Variants in ABLIM1 observed in about 807,000 individuals in gnomAD.
ABLIM1 encodes actin binding LIM protein 1.
ABLIM1 carries 40 observed loss-of-function variants against 107.0 expected under a neutral mutation model. The ratio of observed to expected loss-of-function variants is 0.37; its 90% CI spans 0.29 to 0.49. ABLIM1 has a LOEUF of 0.49. Among genes scored for constraint, ABLIM1 ranks in the 20% least tolerant of loss-of-function variants. The pLI is 0.97. For synonymous variants in ABLIM1, 357 were observed against 357.3 expected, an observed-to-expected ratio of 1.00 and a Z score of 0.01; for missense variants, 857 against 1,008.5, an observed-to-expected ratio of 0.85 and a Z score of 2.04.
At chr10:114,499,582 G>A (rs1000013098) in intron 6 of ABLIM1, among the ~76,000 whole-genome samples, 2 of 152,082 alleles carry the variant, frequency 1.3e-5, no homozygotes, top group Admixed American at 6.5e-5. Context: ...TTTAAAAATG[G>A]GTTCGATGGC....
At chr10:114,509,060 T>G (rs1044880449) in intron 6 of ABLIM1, among the ~76,000 whole-genome samples, 4 of 152,208 alleles carry the variant, frequency 2.6e-5, no homozygotes, top group African/African-American at 9.7e-5. Context: ...CTTTAATGAC[T>G]GGGAAATTTA....
chr10:114,791,685 C>A, the ABLIM1 span, among the ~76,000 whole-genome samples: 1 of 151,528 alleles, frequency 6.6e-6, no homozygotes, highest in Admixed American at 6.6e-5. Context: ...AACAAAACTT[C>A]AAATACAAGG....
intron 1 of ABLIM1, among the ~76,000 whole-genome samples, chr10:114,698,210 C>T (rs1026991540): frequency 6.6e-6 from 1 of 151,826 alleles, no homozygotes; most frequent in Admixed American, 6.6e-5. Context: ...TTGATATCCT[C>T]TAAGGCATTT....
chr10:114,517,112 C>T (rs1398654260), intron 6 of ABLIM1, among the ~76,000 whole-genome samples: 1 of 152,180 alleles, frequency 6.6e-6, no homozygotes, highest in African/African-American at 2.4e-5. Flanking sequence ...AGAGCAAGCA[C>T]TCCGATTTTT....
chr10:114,744,844 C>A (rs2142333757), intron 1 of ABLIM1, among the ~76,000 whole-genome samples: 1 of 152,258 alleles, frequency 6.6e-6, no homozygotes, highest in South Asian at 2.1e-4. Flanking sequence ...AAAGCTCCCA[C>A]CTTGACCCTG....
At chr10:114,471,631 C>A (rs192247055) in intron 10 of ABLIM1, among the ~76,000 whole-genome samples, 214 of 151,490 alleles carry the variant, frequency 1.4e-3, no homozygotes, top group African/African-American at 4.6e-3. Flanking sequence ...GGAATAAAAC[C>A]CAGATTAGAA....
At chr10:114,562,882 T>C (rs1421198916) in intron 4 of ABLIM1, among the ~76,000 whole-genome samples, 1 of 152,020 alleles carries the variant, frequency 6.6e-6, no homozygotes, top group Non-Finnish European at 1.5e-5. Context: ...AAAAAACCAG[T>C]CCTTGCCGTT....
chr10:114,591,988 T>G (rs1259775712), intron 2 of ABLIM1, among the ~76,000 whole-genome samples: 1 of 152,190 alleles, frequency 6.6e-6, no homozygotes, highest in African/African-American at 2.4e-5. Flanking sequence ...GATAAACATT[T>G]CAATCATTCA....
intron 6 of ABLIM1, among the ~76,000 whole-genome samples, chr10:114,544,543 T>C (rs1047879292): frequency 2.0e-5 from 3 of 152,152 alleles, no homozygotes; most frequent in African/African-American, 7.2e-5. Context: ...TTTTTGAAGT[T>C]TGGGGAAGCC....
intron 4 of ABLIM1, among the ~76,000 whole-genome samples, chr10:114,548,171 T>A (rs990182559): frequency 1.3e-5 from 2 of 152,240 alleles, no homozygotes; most frequent in African/African-American, 4.8e-5. Context: ...CTCAGCACTT[T>A]ATGCTGATGC....
intron 1 of ABLIM1, among the ~76,000 whole-genome samples, chr10:114,673,479 A>C (rs1466341390): frequency 6.6e-6 from 1 of 152,072 alleles, no homozygotes; most frequent in East Asian, 1.9e-4. Flanking sequence ...CTCCTCATTC[A>C]CTAAGCTGCA....
intron 3 of ABLIM1, among the ~76,000 whole-genome samples, chr10:114,572,021 C>T (rs1170783170): frequency 3.3e-5 from 5 of 152,200 alleles, no homozygotes. Flanking sequence ...TTCAGAAAGA[C>T]AATTTCTCTT....
At chr10:114,652,835 T>C (rs891268249) in intron 1 of ABLIM1, among the ~76,000 whole-genome samples, 4 of 152,208 alleles carry the variant, frequency 2.6e-5, no homozygotes, top group Admixed American at 2.6e-4. Context: ...TCACTCTAAT[T>C]TCCTACAGGA....
intron 1 of ABLIM1, among the ~76,000 whole-genome samples, chr10:114,640,268 T>C (rs979654922): frequency 2.0e-5 from 3 of 152,256 alleles, no homozygotes; most frequent in African/African-American, 7.2e-5. Context: ...GGCTCACGCC[T>C]ATAATCCCAG....
intron 1 of ABLIM1, among the ~76,000 whole-genome samples, chr10:114,676,723 T>C (rs1393792152): frequency 1.3e-5 from 2 of 152,088 alleles, no homozygotes; most frequent in Non-Finnish European, 2.9e-5. Flanking sequence ...ATTTTAATCA[T>C]ATGTATATAA....
In ABLIM1 at chr10:114,718,062, A is replaced by G. The variant is rs11196890; in HGVS notation, c.-213+49999T>C. The stretch of plus-strand genomic sequence containing the variant: ...GAGAAAGAGAAAGAAAGAAAGAAAG[A>G]AAGGAAGAAAGGAAGGAAGGAAGGA... On this transcript the variant is annotated intron_variant, in intron 1 of 15. Transcript: ENST00000651092. Among the ~76,000 whole-genome samples the G allele has an allele frequency of 4.7e-3, 221 of 47,388 alleles. 3 individuals carry two copies. The highest frequency in any genetic ancestry group is 5.7e-3 in the Non-Finnish European group (118 of 20,794). The allele number at this position is 47,388 out of a possible 152,430, so 31.1% of individuals were successfully genotyped here.
intron 1 of ABLIM1, among the ~76,000 whole-genome samples, chr10:114,680,073 A>T (rs1320567419): frequency 5.9e-5 from 9 of 152,194 alleles, no homozygotes; most frequent in Non-Finnish European, 1.2e-4. Flanking sequence ...AAAATTACCA[A>T]ACTAGAATCA....
At chr10:114,723,792 T>C (rs564184658) in intron 1 of ABLIM1, among the ~76,000 whole-genome samples, 1 of 147,610 alleles carries the variant, frequency 6.8e-6, no homozygotes, top group Admixed American at 7.0e-5. Flanking sequence ...CTCTTTATAT[T>C]GTAGGTAACT....
intron 1 of ABLIM1, among the ~76,000 whole-genome samples, chr10:114,673,270 AC>A (rs562059836): frequency 1.1e-4 from 16 of 143,830 alleles, no homozygotes; most frequent in South Asian, 4.5e-4. Context: ...AAAAAAAAAA[AC>A]AAAAAAAAAA....
Sources: gnomAD v4.1 joint callset for allele counts (sites outside exome capture counted in the v4.1 genomes callset) on GRCh38, gnomAD v4.1.1 for gene constraint, MANE v1.5 for transcripts, NCBI Gene and HGNC (gene_info 2026-07-23, HGNC 2026-07-21) for gene names.